EIF3G: variants seen among roughly 807,000 people sequenced by gnomAD.
The protein encoded by EIF3G is eukaryotic translation initiation factor 3 RNA-binding subunit.
A neutral mutation model predicts 41.7 loss-of-function variants in EIF3G; 10 were observed. The ratio of observed to expected loss-of-function variants is 0.24; its 90% CI spans 0.15 to 0.41. The LOEUF is 0.41. EIF3G is among the 10% of genes least tolerant of loss of function. The probability of loss-of-function intolerance (pLI) is 1.00; values close to 1 mark genes in which losing one functional copy is unlikely to be tolerated. For synonymous variants in EIF3G, 204 were observed against 172.5 expected, an observed-to-expected ratio of 1.18 and a Z score of -1.43; for missense variants, 297 against 444.0, an observed-to-expected ratio of 0.67 and a Z score of 2.98.
Position 10,115,761 on chromosome 19 carries a change from G to A in EIF3G, c.763C>T (p.Leu255=). The stretch of plus-strand genomic sequence containing the variant: ...CCGAAAGGCCGGAAGAGCTCCTGCA[G>A]GTCGGTCTCACGCGTGTCCTCTGAC... ...NLSEDTRETD[L]QELFRPFGSI... The change falls in exon 9 of 11, where the codon CTG becomes TTG. Residue 255 remains leucine (L), a synonymous_variant. Coordinates refer to ENST00000253108, the MANE Select transcript of EIF3G (RefSeq NM_003755.5). 6.2e-7 allele frequency: 1 copy of A among 1,614,160 alleles called. No homozygotes were observed. The highest frequency in any genetic ancestry group is 1.6e-4 in the Middle Eastern group (1 of 6,062).
Position 10,116,648 on chromosome 19 carries a change from T to G in EIF3G, c.595+152A>C. 1.3e-6 allele frequency: 1 copy of G among 747,710 alleles called. No homozygotes were observed. Among genetic ancestry groups the G allele is most frequent in the Non-Finnish European group, 2.1e-6 (1 of 465,410 alleles). 46.3% of individuals were successfully genotyped at this position (747,710 alleles called of 1,614,324 possible). A position where few individuals can be genotyped will look rare whatever the true frequency, so the allele number is the denominator to read the frequency against. On this transcript the variant is annotated intron_variant, in intron 7 of 10. Coordinates refer to ENST00000253108, the MANE Select transcript of EIF3G (RefSeq NM_003755.5). The surrounding 1 kb of genome is among the most constrained non-coding windows in gnomAD (Gnocchi z 4.1). ...ATGGGAGACGCCCGTCTCCCAACCA[T>G]AGGAGGTACAGCCAATTAGGAAGGC...
intron 8 of EIF3G, 38 bp downstream of exon 8, chr19:10,115,929 G>A (rs746033497): frequency 6.2e-7 from 1 of 1,607,834 alleles, no homozygotes; most frequent in African/African-American, 1.3e-5. Context: ...GTGCCGGGAG[G>A]TGCCCACCCA....
Position 10,115,747 on chromosome 19 carries a change from G to T in EIF3G, c.777C>A (p.Phe259Leu). 6.2e-7 allele frequency: 1 copy of T among 1,614,198 alleles called. No homozygotes were observed. The highest frequency in any genetic ancestry group is 8.5e-7 in the Non-Finnish European group (1 of 1,180,040). Residue 259 changes from phenylalanine (F) to leucine (L), a missense_variant, in exon 9 of 11, where the codon TTC becomes TTA. Transcript: ENST00000253108. The part of the protein sequence containing the change: ...DTRETDLQEL[F>L]RPFGSISRIY... ...TGCGGGAGATGGAGCCGAAAGGCCG[G>T]AAGAGCTCCTGCAGGTCGGTCTCAC...
chr19:10,118,904 T>G lies in EIF3G; in HGVS notation c.204A>C (p.Thr68=). The G allele has an allele frequency of 6.2e-7, 1 of 1,614,026 alleles. No homozygotes were observed. Among genetic ancestry groups the G allele is most frequent in the East Asian group, 2.2e-5 (1 of 44,878 alleles). ...EVINGNIKTV[T]EYKIDEDGKK... ...TGCCATCCTCATCTATCTTGTACTC[T>G]GTCACTGTCTTTATGTTTCCGTTGA... is the stretch of plus-strand genomic sequence containing the variant. Residue 68 remains threonine (T), a synonymous_variant, in exon 4 of 11, where the codon ACA becomes ACC. Transcript: ENST00000253108.
chr19:10,118,695 C>G lies in EIF3G; in HGVS notation c.273G>C (p.Lys91Asn). ...TCCTCCTTGCGACAGCCTTTGAAGC[C>G]TTCCGGGTCTCAATCCTGAAGGTGC... ...IVRTFRIETR[K>N]ASKAVARRKN... is the part of the protein sequence containing the mutation. The change falls in exon 5 of 11, where the codon AAG (lysine) becomes AAC (asparagine). Residue 91 changes from lysine (K) to asparagine (N), a missense_variant. Coordinates refer to ENST00000253108, the MANE Select transcript of EIF3G (RefSeq NM_003755.5). 1 of 1,614,122 alleles carries G rather than the reference C, an allele frequency of 6.2e-7. No homozygotes were observed. Among genetic ancestry groups the G allele is most frequent in the Non-Finnish European group, 8.5e-7 (1 of 1,180,020 alleles).
chr19:10,115,087 C>A lies in EIF3G; in HGVS notation c.*27G>T. ...GGCTGTCTTCTGTCGCCAAGGGTCCCGGACCGAGTACACAGTGGCAGCTGG... is the reference window on the plus strand; with the variant it reads ...GGCTGTCTTCTGTCGCCAAGGGTCCAGGACCGAGTACACAGTGGCAGCTGG... On this transcript the variant is annotated 3_prime_UTR_variant, in exon 11 of 11. Transcript: ENST00000253108. 1 of 1,613,850 alleles carries A rather than the reference C, an allele frequency of 6.2e-7. No homozygotes were observed. Among genetic ancestry groups the A allele is most frequent in the African/African-American group, 1.3e-5 (1 of 75,058 alleles).
chr19:10,115,328 C>A, intron 10 of EIF3G, 151 bp downstream of exon 10: 1 of 1,139,184 alleles, frequency 8.8e-7, no homozygotes, highest in Non-Finnish European at 1.2e-6. Flanking sequence ...CACCCCTCTG[C>A]CCGGTTTTGG....
chr19:10,115,099 A>C lies in EIF3G; in HGVS notation c.*15T>G, dbSNP rs570896348. ...TCGCCAAGGGTCCCGGACCGAGTAC[A>C]CAGTGGCAGCTGGCTTAGTTGGTGG... On this transcript the variant is annotated 3_prime_UTR_variant, in exon 11 of 11. Coordinates refer to ENST00000253108, the MANE Select transcript of EIF3G (RefSeq NM_003755.5). The C allele has an allele frequency of 5.7e-5, 92 of 1,613,854 alleles. No homozygotes were observed. The Middle Eastern group carries it at 1.5e-3, about 26-fold the overall frequency.
chr19:10,115,870 C>T, intron 8 of EIF3G, 50 bp from the exon 9 acceptor site: 3 of 1,581,874 alleles, frequency 1.9e-6, no homozygotes, highest in Non-Finnish European at 1.7e-6. Flanking sequence ...CTGCCCAGCC[C>T]TCGTGTGCTG....
chr19:10,115,179 A>T, intron 10 of EIF3G, 50 bp from the exon 11 acceptor site: 1 of 1,606,458 alleles, frequency 6.2e-7, no homozygotes, highest in Non-Finnish European at 8.5e-7. Flanking sequence ...GCACCCCAAG[A>T]CCCCAGACAC....
chr19:10,115,768 C>T lies in EIF3G; in HGVS notation c.756G>A (p.Glu252=). The T allele has an allele frequency of 6.2e-7, 1 of 1,614,122 alleles. No individual in the cohort carries two copies. Among genetic ancestry groups the T allele is most frequent in the Non-Finnish European group, 8.5e-7 (1 of 1,180,040 alleles). ...RVTNLSEDTR[E]TDLQELFRPF... is the part of the protein sequence containing the mutation. ...GCCGGAAGAGCTCCTGCAGGTCGGT[C>T]TCACGCGTGTCCTCTGACAAGTTGG... The change falls in exon 9 of 11, where the codon GAG becomes GAA. Residue 252 remains glutamate, a synonymous_variant. Transcript: ENST00000253108.
rs759091386 is a variant in EIF3G, at chr19:10,116,544, C to T, written c.595+256G>A. On this transcript the variant is annotated intron_variant, in intron 7 of 10. Coordinates refer to ENST00000253108, the MANE Select transcript of EIF3G (RefSeq NM_003755.5). This position sits in a 1 kb window ranked among gnomAD's most constrained non-coding sequence, Gnocchi z 4.1. ...CACACACGATGTGGGGTGGTCAGCA[C>T]CCTGGGGCCGACAGACAGCAGCTCA... 2.1e-5 allele frequency: 11 copies of T among 523,972 alleles called. No homozygotes were observed. The highest frequency in any genetic ancestry group is 3.7e-5 in the Non-Finnish European group (11 of 294,104). The allele number at this position is 523,972 out of a possible 1,614,324, so 32.5% of individuals were successfully genotyped here.
rs2089280225 is a variant in EIF3G, at chr19:10,118,738, G to A, written c.241-11C>T. 3 of 1,613,844 alleles carry A rather than the reference G, an allele frequency of 1.9e-6. No individual in the cohort carries two copies. The East Asian group carries it at 6.7e-5, about 36-fold the overall frequency. On this transcript the variant is annotated splice_polypyrimidine_tract_variant and intron_variant, in intron 4 of 10. Coordinates refer to ENST00000253108, the MANE Select transcript of EIF3G (RefSeq NM_003755.5). ...GAAGGTGCGGACAATCTGAGGATGG[G>A]AGGGGAGAAGGGTCAGGCTCCTGGG...
chr19:10,115,525 A>G lies in EIF3G; in HGVS notation c.901T>C (p.Ser301Pro). The change falls in exon 10 of 11, where the codon TCC becomes CCC. Residue 301 changes from serine to proline, a missense_variant. This residue lies in a region of EIF3G where 91 missense variants were observed against 170.5 expected (regional missense o/e 0.53). Coordinates refer to ENST00000253108, the MANE Select transcript of EIF3G (RefSeq NM_003755.5). ...EDAARAIAGVSGFGYDHLILN... is the reference protein window; with the variant it reads ...EDAARAIAGVPGFGYDHLILN... ...ATGAGGTGGTCGTAGCCAAAGCCGG[A>G]CACCCCGGCAATGGCACGCGCAGCA... 1 of 1,613,658 alleles carries G rather than the reference A, an allele frequency of 6.2e-7. No homozygotes were observed. The highest frequency in any genetic ancestry group is 8.5e-7 in the Non-Finnish European group (1 of 1,179,722).
rs568414619 is a variant in EIF3G, at chr19:10,116,505, A to G, written c.595+295T>C. ...GCCACAGGCATGCAACGGAGACACT[A>G]TACACACAGTGCGCACACACGATGT... On this transcript the variant is annotated intron_variant, in intron 7 of 10. Coordinates refer to ENST00000253108, the MANE Select transcript of EIF3G (RefSeq NM_003755.5). The surrounding 1 kb of genome is among the most constrained non-coding windows in gnomAD (Gnocchi z 4.1). 5 of 509,414 alleles carry G rather than the reference A, an allele frequency of 9.8e-6. No individual in the cohort carries two copies. Among genetic ancestry groups the G allele is most frequent in the African/African-American group, 9.5e-5 (5 of 52,420 alleles). The allele number at this position is 509,414 out of a possible 1,614,324, so 31.6% of individuals were successfully genotyped here.
chr19:10,115,912 T>C, intron 8 of EIF3G, 55 bp downstream of exon 8: 2 of 1,605,720 alleles, frequency 1.2e-6, no homozygotes, highest in Non-Finnish European at 1.7e-6. Flanking sequence ...TCGGGGATAA[T>C]TACGAGGTGC....
intron 5 of EIF3G, 85 bp from the exon 6 acceptor site, chr19:10,117,273 C>T: frequency 2.1e-6 from 2 of 960,748 alleles, no homozygotes; most frequent in Non-Finnish European, 3.2e-6. Context: ...ACAACAGCCA[C>T]CCCCAGAGTG....
chr19:10,118,457 C>T (rs748416739), intron 5 of EIF3G: 21 of 566,658 alleles, frequency 3.7e-5, no homozygotes, highest in African/African-American at 3.6e-4. Flanking sequence ...CCCAGCTACT[C>T]GGGAGGCTGA....
rs952460292 is a variant in EIF3G at position 10,116,619 on chromosome 19, A to G, written c.595+181T>C. 1.6e-6 allele frequency: 1 copy of G among 610,868 alleles called. No homozygotes were observed. Among genetic ancestry groups the G allele is most frequent in the Non-Finnish European group, 2.8e-6 (1 of 355,236 alleles). 37.8% of individuals were successfully genotyped at this position (610,868 alleles called of 1,614,324 possible). On this transcript the variant is annotated intron_variant, in intron 7 of 10. Coordinates refer to ENST00000253108, the MANE Select transcript of EIF3G (RefSeq NM_003755.5). The surrounding 1 kb of genome is among the most constrained non-coding windows in gnomAD (Gnocchi z 4.1). ...CAAAGTCACAGCTGCCAAGTCGCACATATATGGGAGACGCCCGTCTCCCAA... is the reference window on the plus strand; with the variant it reads ...CAAAGTCACAGCTGCCAAGTCGCACGTATATGGGAGACGCCCGTCTCCCAA...
Sources: gnomAD v4.1 joint callset for allele counts on GRCh38, gnomAD v4.1.1 for gene constraint, gnomAD v4.1.1 regional missense constraint, Gnocchi (gnomAD v3.1) non-coding constraint, MANE v1.5 for transcripts, NCBI Gene and HGNC (gene_info 2026-07-23, HGNC 2026-07-21) for gene names.